MAML2: variants seen among roughly 807,000 people sequenced by gnomAD.
MAML2 encodes the protein mastermind-like protein 2.
MAML2 carries 22 observed loss-of-function variants against 96.1 expected under a neutral mutation model. The ratio of observed to expected loss-of-function variants is 0.23; its 90% CI spans 0.16 to 0.33. MAML2 has a LOEUF of 0.33. Among genes scored for constraint, MAML2 ranks in the 10% least tolerant of loss-of-function variants. The pLI is 1.00. For synonymous variants in MAML2, 561 were observed against 521.3 expected, an observed-to-expected ratio of 1.08 and a Z score of -1.04; for missense variants, 1,367 against 1,392.4, an observed-to-expected ratio of 0.98 and a Z score of 0.29.
intron 1 of MAML2, among the ~76,000 whole-genome samples, chr11:96,325,870 G>C (rs1253710362): frequency 6.6e-6 from 1 of 152,190 alleles, no homozygotes; most frequent in Non-Finnish European, 1.5e-5. Flanking sequence ...GCAGGCAGAT[G>C]TCCAGGCTTG....
chr11:96,117,121 C>T (rs1207378232), intron 1 of MAML2, among the ~76,000 whole-genome samples: 1 of 151,738 alleles, frequency 6.6e-6, no homozygotes, highest in East Asian at 1.9e-4. Flanking sequence ...GGAGGGCATC[C>T]CAAGGGAAGT....
intron 1 of MAML2, among the ~76,000 whole-genome samples, chr11:96,105,112 A>G (rs1462161025): frequency 6.6e-6 from 1 of 152,242 alleles, no homozygotes; most frequent in Non-Finnish European, 1.5e-5. Flanking sequence ...GATTAATTAA[A>G]GTTGAAATGC....
At chr11:96,086,480 T>C (rs1209963698) in intron 2 of MAML2, among the ~76,000 whole-genome samples, 2 of 152,062 alleles carry the variant, frequency 1.3e-5, no homozygotes, top group African/African-American at 4.8e-5. Flanking sequence ...TTTCCCATTT[T>C]AATCTGGGAA....
intron 1 of MAML2, among the ~76,000 whole-genome samples, chr11:96,131,477 A>C (rs1860548712): frequency 6.6e-6 from 1 of 152,228 alleles, no homozygotes; most frequent in Non-Finnish European, 1.5e-5. Flanking sequence ...TGTACACTTG[A>C]GAAAATAATA....
At chr11:96,190,095 G>A (rs1176864294) in intron 1 of MAML2, among the ~76,000 whole-genome samples, 1 of 152,176 alleles carries the variant, frequency 6.6e-6, no homozygotes, top group Non-Finnish European at 1.5e-5. Flanking sequence ...CATGTTAATA[G>A]AGCACTGAAT....
chr11:96,310,791 G>A (rs554514222), intron 1 of MAML2, among the ~76,000 whole-genome samples: 17 of 152,228 alleles, frequency 1.1e-4, no homozygotes, highest in South Asian at 1.0e-3. Context: ...ACTCTTCTGC[G>A]TCCAGTGTTG....
intron 1 of MAML2, among the ~76,000 whole-genome samples, chr11:96,160,142 T>C (rs1269234370): frequency 6.6e-6 from 1 of 152,194 alleles, no homozygotes; most frequent in Non-Finnish European, 1.5e-5. Flanking sequence ...AGAAGAGATG[T>C]GTCTTGTGAG....
intron 2 of MAML2, among the ~76,000 whole-genome samples, chr11:96,077,413 G>A (rs1195593273): frequency 2.0e-5 from 3 of 151,580 alleles, no homozygotes; most frequent in Non-Finnish European, 4.4e-5. Flanking sequence ...TAGAGACAGG[G>A]TTTCACTATG....
chr11:96,254,998 T>G (rs1043054657), intron 1 of MAML2, among the ~76,000 whole-genome samples: 2 of 151,990 alleles, frequency 1.3e-5, no homozygotes, highest in Non-Finnish European at 2.9e-5. Context: ...TTTTGGCATT[T>G]TTTTTTTAGA....
rs117280024 is a variant in MAML2 at position 96,261,819 on chromosome 11, C to A, written c.513+79564G>T. On this transcript the variant is annotated intron_variant, in intron 1 of 4. Coordinates refer to ENST00000524717, the MANE Select transcript of MAML2 (RefSeq NM_032427.4). ...TCTAAACAGTTTGATTATAAACAAC[C>A]AAGTTACCTAACTGCAGACAATTTT... is the stretch of plus-strand genomic sequence containing the variant. Among the ~76,000 whole-genome samples the A allele has an allele frequency of 3.6e-3, 545 of 152,344 alleles. 13 individuals carry two copies. The East Asian group carries it at 0.041, about 12-fold the overall frequency.
chr11:96,014,446 T>A (rs1245937417), intron 2 of MAML2, among the ~76,000 whole-genome samples: 1 of 152,132 alleles, frequency 6.6e-6, no homozygotes, highest in African/African-American at 2.4e-5. Flanking sequence ...CCTCCTGGAA[T>A]CAACATTTAA....
intron 2 of MAML2, among the ~76,000 whole-genome samples, chr11:96,057,594 T>G (rs562276016): frequency 6.6e-6 from 1 of 152,334 alleles, no homozygotes; most frequent in Non-Finnish European, 1.5e-5. Flanking sequence ...TTATAGTTTT[T>G]CTTAACAATT....
chr11:96,191,696 C>T (rs1286467361), intron 1 of MAML2, among the ~76,000 whole-genome samples: 1 of 144,156 alleles, frequency 6.9e-6, no homozygotes, highest in African/African-American at 2.6e-5. Flanking sequence ...GGCGTGATCC[C>T]AGGAGGCGGA....
Position 96,289,861 on chromosome 11 carries a change from A to G in MAML2, c.513+51522T>C, listed in dbSNP as rs114026955. On this transcript the variant is annotated intron_variant, in intron 1 of 4. Coordinates refer to ENST00000524717, the MANE Select transcript of MAML2 (RefSeq NM_032427.4). ...AAAAAAATCATTTTAAAGTCTTTTG[A>G]TTACCAAATGCCCACTTTTTAATGT... Among the ~76,000 whole-genome samples, 248 of 150,212 alleles carry G rather than the reference A, an allele frequency of 1.7e-3. 1 individual carries two copies. The highest frequency in any genetic ancestry group is 5.7e-3 in the African/African-American group (234 of 41,412).
At chr11:96,029,632 C>G (rs568403365) in intron 2 of MAML2, among the ~76,000 whole-genome samples, 3 of 152,152 alleles carry the variant, frequency 2.0e-5, no homozygotes, top group Non-Finnish European at 2.9e-5. Flanking sequence ...GTGTTAACAT[C>G]TCTCACCTGT....
intron 1 of MAML2, among the ~76,000 whole-genome samples, chr11:96,254,941 G>A (rs984494418): frequency 6.6e-6 from 1 of 151,968 alleles, no homozygotes; most frequent in Non-Finnish European, 1.5e-5. Context: ...TCAGCCTCCC[G>A]AGCAGCTGGG....
intron 1 of MAML2, among the ~76,000 whole-genome samples, chr11:96,149,436 G>A (rs867694565): frequency 0.039 from 1,520 of 38,768 alleles, 40 homozygotes; most frequent in Middle Eastern, 0.11. Flanking sequence ...AAAAAAATGA[G>A]AAGTTAAGTT....
chr11:96,307,136 G>A (rs1160702411), intron 1 of MAML2, among the ~76,000 whole-genome samples: 1 of 152,130 alleles, frequency 6.6e-6, no homozygotes, highest in Non-Finnish European at 1.5e-5. Flanking sequence ...GCTTTCCCAT[G>A]GCAACATCAC....
chr11:95,989,705 A>G (rs1377832861), intron 3 of MAML2, among the ~76,000 whole-genome samples: 2 of 152,280 alleles, frequency 1.3e-5, no homozygotes, highest in Non-Finnish European at 2.9e-5. Context: ...TGATTTCTAG[A>G]AGAAACCAGT....
Sources: allele counts gnomAD v4.1 joint callset (sites outside exome capture counted in the v4.1 genomes callset), GRCh38; gene constraint gnomAD v4.1.1; transcripts MANE v1.5; gene names NCBI Gene and HGNC (gene_info 2026-07-23, HGNC 2026-07-21).